Variants in RFLNA observed in about 807,000 individuals in gnomAD.
The protein encoded by RFLNA is refilin-A.
In RFLNA, 5 loss-of-function variants were observed where a neutral mutation model predicts 7.8. The ratio of observed to expected loss-of-function variants is 0.64; its 90% CI spans 0.34 to 1.35. The LOEUF is 1.35. Ranked by LOEUF, RFLNA falls within the 40% of genes most tolerant of loss-of-function variation. The pLI, the probability that RFLNA is intolerant of heterozygous loss-of-function variation, is 0.04. For synonymous variants in RFLNA, 141 were observed against 131.3 expected (o/e 1.07, Z -0.50); for missense variants, 278 against 305.5 (o/e 0.91, Z 0.67).
upstream of RFLNA, among the ~76,000 whole-genome samples, chr12:124,293,904 C>A (rs1374532453): frequency 6.6e-6 from 1 of 152,222 alleles, no homozygotes; most frequent in Non-Finnish European, 1.5e-5. Context: ...GAAGCCTTCC[C>A]TGAACACTCC....
intron 1 of RFLNA, among the ~76,000 whole-genome samples, chr12:124,297,867 A>G (rs1015509951): frequency 2.0e-5 from 3 of 151,770 alleles, no homozygotes; most frequent in African/African-American, 7.3e-5. Flanking sequence ...CTCCCCGTTA[A>G]CTCCCGCTAA....
Position 124,314,235 on chromosome 12 carries a change from G to T in RFLNA, c.361G>T (p.Asp121Tyr). Residue 121 changes from aspartate to tyrosine, a missense_variant, in exon 3 of 3, where the codon GAC becomes TAC. Coordinates refer to ENST00000546355, the MANE Select transcript of RFLNA (RefSeq NM_001365156.1). ...GTACGCCTCGGAGAAGCATTTCCAGGACAAGGTCTTCTATGCGCCCGTACC... is the reference window on the plus strand; with the variant it reads ...GTACGCCTCGGAGAAGCATTTCCAGTACAAGGTCTTCTATGCGCCCGTACC... ...VKYASEKHFQ[D>Y]KVFYAPVPTV... is the part of the protein sequence containing the mutation. 1 of 1,613,404 alleles carries T rather than the reference G, an allele frequency of 6.2e-7. No individual in the cohort carries two copies. The highest frequency in any genetic ancestry group is 8.5e-7 in the Non-Finnish European group (1 of 1,179,888).
chr12:124,310,172 CA>C (rs71088996), intron 1 of RFLNA, among the ~76,000 whole-genome samples: 1,141 of 17,006 alleles, frequency 0.067, 9 homozygotes, highest in South Asian at 0.26. Context: ...GACTCTGTCT[CA>C]AAAAAAAAAA....
At chr12:124,295,727 A>C in intron 1 of RFLNA, 91 bp downstream of exon 1, 1 of 1,173,410 alleles carries the variant, frequency 8.5e-7, no homozygotes, top group Non-Finnish European at 1.1e-6. Context: ...CAGCAGCAGG[A>C]CGTGCCTCCT....
At chr12:124,296,086 T>TCTTTCTTTCTC (rs891764149) in intron 1 of RFLNA, among the ~76,000 whole-genome samples, 1 of 4,750 alleles carries the variant, frequency 2.1e-4, no homozygotes, top group Non-Finnish European at 6.7e-4. Context: ...CTTTCTTTCT[T>TCTTTCTTTCTC]TCTTTCTTTC....
chr12:124,299,239 C>A (rs761052408), intron 1 of RFLNA, among the ~76,000 whole-genome samples: 1 of 152,262 alleles, frequency 6.6e-6, no homozygotes, highest in Non-Finnish European at 1.5e-5. Flanking sequence ...TGTCTCCATG[C>A]GGGCAGGGAC....
At chr12:124,311,504 C>T (rs556438731) in intron 1 of RFLNA, among the ~76,000 whole-genome samples, 28 of 152,338 alleles carry the variant, frequency 1.8e-4, no homozygotes, top group African/African-American at 6.0e-4. Flanking sequence ...GGCTCTGAGC[C>T]GGGCTCCGGG....
upstream of RFLNA, among the ~76,000 whole-genome samples, chr12:124,292,501 G>A (rs1192167052): frequency 6.6e-6 from 1 of 152,222 alleles, no homozygotes; most frequent in Non-Finnish European, 1.5e-5. Context: ...GTGAGAAATA[G>A]AAGCTTCCAC....
chr12:124,302,840 A>AGGGCCGAGGTCAGGGGGCCGAGGTCAG (rs2034067417), intron 1 of RFLNA, among the ~76,000 whole-genome samples: 33 of 64,938 alleles, frequency 5.1e-4, no homozygotes, highest in Non-Finnish European at 9.1e-4. Flanking sequence ...CCGAGGTCAG[A>AGGGCCGAGGTCAGGGGGCCGAGGTCAG]GGGCCGAGGT....
chr12:124,311,102 C>T (rs531870658), intron 1 of RFLNA, among the ~76,000 whole-genome samples: 5 of 152,350 alleles, frequency 3.3e-5, no homozygotes, highest in South Asian at 2.1e-4. Flanking sequence ...TTAGCCCTCA[C>T]GGTGGGGGCT....
rs763124898 is a variant in RFLNA, at chr12:124,314,185, T to C, written c.318-7T>C. On this transcript the variant is annotated splice_region_variant and splice_polypyrimidine_tract_variant and intron_variant, in intron 2 of 2. Transcript: ENST00000546355. ...GGTTCACTCCGCTTCCCTCCTGCCC[T>C]TTCCAGCTGCAACTCTGAGGTCAAG... 2.1e-5 allele frequency: 33 copies of C among 1,607,788 alleles called. No homozygotes were observed. The highest frequency in any genetic ancestry group is 1.7e-6 in the Non-Finnish European group (2 of 1,176,030).
upstream of RFLNA, among the ~76,000 whole-genome samples, chr12:124,293,080 C>T (rs1018938450): frequency 9.2e-5 from 14 of 152,136 alleles, no homozygotes; most frequent in African/African-American, 2.2e-4. Flanking sequence ...CCCGCCACCA[C>T]GCCCGGCTAA....
chr12:124,294,910 G>T (rs1049695320), upstream of RFLNA, among the ~76,000 whole-genome samples: 1 of 152,226 alleles, frequency 6.6e-6, no homozygotes, highest in Non-Finnish European at 1.5e-5. Flanking sequence ...TGCTTGTTCC[G>T]GGAGTGGGGG....
At chr12:124,311,786 G>A in intron 1 of RFLNA, 32 bp from the exon 2 acceptor site, 1 of 1,522,008 alleles carries the variant, frequency 6.6e-7, no homozygotes, top group South Asian at 1.3e-5. Flanking sequence ...ACAAGGGGCT[G>A]CATAACCCCG....
Position 124,306,431 on chromosome 12 carries a change from A to G in RFLNA, c.208-5387A>G, listed in dbSNP as rs1000375835. Among the ~76,000 whole-genome samples the G allele has an allele frequency of 3.9e-5, 6 of 152,064 alleles. No individual in the cohort carries two copies. Among genetic ancestry groups the G allele is most frequent in the Non-Finnish European group, 7.4e-5 (5 of 68,000 alleles). ...ACAGACAAGGGGCCGAGACAGGAAC[A>G]GGCAGAGGCCCGAGTGGGAATCCTT... On this transcript the variant is annotated intron_variant, in intron 1 of 2. Transcript: ENST00000546355. This position sits in a 1 kb window ranked among gnomAD's most constrained non-coding sequence, Gnocchi z 5.2.
Position 124,315,451 on chromosome 12 carries a change from G to A in RFLNA, c.*926G>A, listed in dbSNP as rs1047665814. ...CGAGGGAGTCGGAGCTCAGCTGTCG[G>A]TTTAAAGAGACACTGAGGGGACCGG... is the stretch of plus-strand genomic sequence containing the variant. On this transcript the variant is annotated 3_prime_UTR_variant, in exon 3 of 3. Coordinates refer to ENST00000546355, the MANE Select transcript of RFLNA (RefSeq NM_001365156.1). The A allele has an allele frequency of 1.3e-5, 2 of 152,322 alleles. No individual in the cohort carries two copies. Among genetic ancestry groups the A allele is most frequent in the African/African-American group, 4.8e-5 (2 of 41,464 alleles). 9.4% of individuals were successfully genotyped at this position (152,322 alleles called of 1,614,324 possible). A position where few individuals can be genotyped will look rare whatever the true frequency, so the allele number is the denominator to read the frequency against.
intron 1 of RFLNA, among the ~76,000 whole-genome samples, chr12:124,302,703 A>C (rs572322987): frequency 6.6e-5 from 10 of 152,188 alleles, no homozygotes; most frequent in Non-Finnish European, 1.3e-4. Flanking sequence ...CTTTGGTCTC[A>C]GATTCCCAGT....
Position 124,295,631 on chromosome 12 carries a change from A to G in RFLNA, c.202A>G (p.Arg68Gly). Residue 68 changes from arginine (R) to glycine (G), a missense_variant, in exon 1 of 3, where the codon AGA becomes GGA. By Grantham distance (125) the Arg-to-Gly change is moderately radical. Transcript: ENST00000546355. Reference sequence around the variant, plus strand: ...GGAGCCCCCGGGACCCAGCGAGGCCAGAGCGGTAAGGAGGCGCTCTCTCTC... The same window carrying G: ...GGAGCCCCCGGGACCCAGCGAGGCCGGAGCGGTAAGGAGGCGCTCTCTCTC... ...SSEPPGPSEA[R>G]APPSQLPNPP... The G allele has an allele frequency of 8.8e-7, 1 of 1,139,580 alleles. No homozygotes were observed. The highest frequency in any genetic ancestry group is 1.1e-6 in the Non-Finnish European group (1 of 931,416). The allele number at this position is 1,139,580 out of a possible 1,614,324, so 70.6% of individuals were successfully genotyped here.
chr12:124,303,639 G>A (rs756273926), intron 1 of RFLNA, among the ~76,000 whole-genome samples: 5 of 152,202 alleles, frequency 3.3e-5, no homozygotes, highest in South Asian at 2.1e-4. Context: ...GCTTCCAGGC[G>A]GATGCTGAGC....
Sources: gnomAD v4.1 joint callset for allele counts (sites outside exome capture counted in the v4.1 genomes callset) on GRCh38, gnomAD v4.1.1 for gene constraint, Gnocchi (gnomAD v3.1) non-coding constraint, MANE v1.5 for transcripts, NCBI Gene and HGNC (gene_info 2026-07-23, HGNC 2026-07-21) for gene names.